Variants in CCDC13 observed in about 807,000 individuals in gnomAD.
CCDC13 encodes coiled-coil domain-containing protein 13.
Under a neutral mutation model 87.3 loss-of-function variants are expected in CCDC13, and 70 were observed. That is an observed-to-expected ratio of 0.80 (90% confidence interval 0.66 to 0.98). CCDC13 has a LOEUF of 0.98. Ranked by LOEUF, CCDC13 falls within the 50% of genes least tolerant of loss-of-function variation. The pLI is 0.00. For synonymous variants in CCDC13, 317 were observed against 360.3 expected (o/e 0.88, Z 1.36); for missense variants, 842 against 892.0 (o/e 0.94, Z 0.71).
At position 42,747,272 on chromosome 3, in the gene CCDC13, C is replaced by T. The variant is rs777228801; in HGVS notation, c.705G>A (p.Leu235=). 3 of 1,613,954 alleles carry T rather than the reference C, an allele frequency of 1.9e-6. No individual in the cohort carries two copies. Among genetic ancestry groups the T allele is most frequent in the African/African-American group, 2.7e-5 (2 of 74,922 alleles). Reference sequence around the variant, plus strand: ...TCTGAAAGACCTTCTGTGCCATCCGCAGCTCCTGCTTCACAGACTGGATCT... The same window carrying T: ...TCTGAAAGACCTTCTGTGCCATCCGTAGCTCCTGCTTCACAGACTGGATCT... ...RNQIQSVKQE[L]RMAQKVLARE... is the part of the protein sequence containing the mutation. Residue 235 remains leucine, a synonymous_variant, in exon 6 of 16, where the codon CTG becomes CTA. Coordinates refer to ENST00000310232, the MANE Select transcript of CCDC13 (RefSeq NM_144719.4).
intron 10 of CCDC13, among the ~76,000 whole-genome samples, chr3:42,734,346 T>C (rs1011631497): frequency 6.6e-6 from 1 of 152,230 alleles, no homozygotes; most frequent in Non-Finnish European, 1.5e-5. Flanking sequence ...AGTCTTCTCC[T>C]GTGTGCCTGG....
chr3:42,760,165 C>T (rs1699798326), intron 1 of CCDC13, among the ~76,000 whole-genome samples: 1 of 151,936 alleles, frequency 6.6e-6, no homozygotes, highest in African/African-American at 2.4e-5. Flanking sequence ...GTGACATGTG[C>T]CTGTAATCCC....
rs752006637 is a variant in CCDC13, at chr3:42,758,264, T to C, written c.82A>G (p.Lys28Glu). 1 of 1,613,802 alleles carries C rather than the reference T, an allele frequency of 6.2e-7. No individual in the cohort carries two copies. The highest frequency in any genetic ancestry group is 8.5e-7 in the Non-Finnish European group (1 of 1,180,028). ...MQEMQHKRLQ[K>E]QMEKKREKEL... is the part of the protein sequence containing the mutation. ...TTTTCCCTCTTTTTCTCCATCTGCT[T>C]CTGTAACCGTTTGTGCTGCATCTCC... Residue 28 changes from lysine to glutamate, a missense_variant, in exon 2 of 16, where the codon AAG becomes GAG. Lys to Glu is a moderately conservative substitution (Grantham distance 56, BLOSUM62 1). Coordinates refer to ENST00000310232, the MANE Select transcript of CCDC13 (RefSeq NM_144719.4).
chr3:42,747,470 G>A, intron 5 of CCDC13, 97 bp from the exon 6 acceptor site: 6 of 859,038 alleles, frequency 7.0e-6, no homozygotes, highest in East Asian at 2.4e-5. Flanking sequence ...CAGGCACTGT[G>A]CTAAGTGTTT....
At chr3:42,736,925 T>G (rs544936416) in intron 9 of CCDC13, among the ~76,000 whole-genome samples, 10 of 152,288 alleles carry the variant, frequency 6.6e-5, no homozygotes, top group Middle Eastern at 3.4e-3. Flanking sequence ...TTGTTGTTGT[T>G]GTTTTATACA....
Position 42,713,249 on chromosome 3 carries a change from CG to C in CCDC13, c.1785del (p.Val596TrpfsTer65), listed in dbSNP as rs1216952554. 6.2e-7 allele frequency: 1 copy of C among 1,614,088 alleles called. No homozygotes were observed. The highest frequency in any genetic ancestry group is 8.5e-7 in the Non-Finnish European group (1 of 1,180,036). On this transcript the variant is annotated frameshift_variant, in exon 14 of 16. Transcript: ENST00000310232. LOFTEE classifies it high-confidence loss of function. ...TTCTCCAGATGTTGCTCCAGCACCA[CG>C]GTGCGGTGTCGCTCCTCCTGCAGCT... The part of the protein sequence containing the change: ...ERKLQEERHR[T>X]VVLEQHLEKI...
chr3:42,743,988 G>A lies in CCDC13; in HGVS notation c.826-931C>T, dbSNP rs146152852. Among the ~76,000 whole-genome samples, 10 of 152,242 alleles carry A rather than the reference G, an allele frequency of 6.6e-5. No homozygotes were observed. The East Asian group carries it at 1.4e-3, about 21-fold the overall frequency. Reference sequence around the variant, plus strand: ...GGGCCTAAGAGTAACACTGCCCTGCGTAACACTGTTATGAGGATTCAGTAT... The same window carrying A: ...GGGCCTAAGAGTAACACTGCCCTGCATAACACTGTTATGAGGATTCAGTAT... On this transcript the variant is annotated intron_variant, in intron 7 of 15. Transcript: ENST00000310232.
chr3:42,723,282 T>C (rs114307618), intron 13 of CCDC13, among the ~76,000 whole-genome samples: 56 of 152,312 alleles, frequency 3.7e-4, no homozygotes, highest in African/African-American at 1.3e-3. Flanking sequence ...TGGCTTCCTC[T>C]GTCTCTGACA....
At chr3:42,711,288 G>T (rs1330765147) in intron 14 of CCDC13, among the ~76,000 whole-genome samples, 1 of 150,200 alleles carries the variant, frequency 6.7e-6, no homozygotes, top group African/African-American at 2.5e-5. Flanking sequence ...ACTGGTGGTG[G>T]CGAACTTGGG....
At chr3:42,723,374 T>C (rs968178445) in intron 13 of CCDC13, among the ~76,000 whole-genome samples, 4 of 152,354 alleles carry the variant, frequency 2.6e-5, no homozygotes, top group Non-Finnish European at 2.9e-5. Flanking sequence ...CAAAGTCATC[T>C]GATGAGTAAC....
At chr3:42,744,246 C>T (rs1024989100) in intron 7 of CCDC13, among the ~76,000 whole-genome samples, 1 of 152,186 alleles carries the variant, frequency 6.6e-6, no homozygotes, top group African/African-American at 2.4e-5. Context: ...AGGTAGATGT[C>T]ATCCCACAGA....
chr3:42,758,441 A>C, intron 1 of CCDC13, 90 bp from the exon 2 acceptor site: 1 of 1,274,024 alleles, frequency 7.8e-7, no homozygotes, highest in East Asian at 2.4e-5. Flanking sequence ...CCAGCCTTGG[A>C]GTTTACTGCT....
At chr3:42,709,892 C>T (rs1698265569) in intron 14 of CCDC13, 94 bp from the exon 15 acceptor site, 1 of 955,816 alleles carries the variant, frequency 1.0e-6, no homozygotes, top group Non-Finnish European at 1.7e-6. Context: ...GCCTGCTCTT[C>T]CACATGGTGA....
At position 42,771,178 on chromosome 3, in the gene CCDC13, T is replaced by G. The variant is rs567957250; in HGVS notation, c.-7+1998A>C. ...AAAAGACATGAAAGAAACCTAAATG[T>G]GTATTGTTAAGTGAAGAAGCCGGTC... is the stretch of plus-strand genomic sequence containing the variant. On this transcript the variant is annotated intron_variant, in intron 1 of 15. Coordinates refer to ENST00000310232, the MANE Select transcript of CCDC13 (RefSeq NM_144719.4). 5.9e-5 allele frequency: 9 copies of G among 152,306 alleles called. No homozygotes were observed. The East Asian group carries it at 1.4e-3, about 23-fold the overall frequency. The allele number at this position is 152,306 out of a possible 1,614,324, so 9.4% of individuals were successfully genotyped here. A position where few individuals can be genotyped will look rare whatever the true frequency, so the allele number is the denominator to read the frequency against.
chr3:42,750,150 T>C (rs547951105), intron 5 of CCDC13, among the ~76,000 whole-genome samples: 1 of 152,342 alleles, frequency 6.6e-6, no homozygotes, highest in South Asian at 2.1e-4. Flanking sequence ...GCTCCCTCTA[T>C]GGGTGACTTC....
chr3:42,751,824 G>A, intron 5 of CCDC13, 112 bp downstream of exon 5: 4 of 882,514 alleles, frequency 4.5e-6, no homozygotes, highest in Non-Finnish European at 1.8e-6. Context: ...CGGCAGCGGG[G>A]TTGGGGGTTG....
At position 42,739,683 on chromosome 3, in the gene CCDC13, G is replaced by A; in HGVS notation, c.1115C>T (p.Thr372Ile). 1.2e-6 allele frequency: 2 copies of A among 1,614,204 alleles called. No individual in the cohort carries two copies. Among genetic ancestry groups the A allele is most frequent in the East Asian group, 4.5e-5 (2 of 44,884 alleles). ...EMKTLKSQMG[T>I]LVEKGRHDDE... ...ATCATGCCGGCCCTTCTCCACCAGG[G>A]TTCCCATCTGACTCTTGAGGGTCTT... Residue 372 changes from threonine to isoleucine, a missense_variant, in exon 9 of 16, where the codon ACC becomes ATC. By Grantham distance (89) the Thr-to-Ile change is moderately conservative (BLOSUM62 -1). Transcript: ENST00000310232.
At chr3:42,748,293 G>A (rs905878814) in intron 5 of CCDC13, among the ~76,000 whole-genome samples, 38 of 152,200 alleles carry the variant, frequency 2.5e-4, no homozygotes, top group African/African-American at 9.2e-4. Context: ...AGCTGGTTGG[G>A]GTGACACAGG....
At chr3:42,773,013 G>A (rs539423633) in intron 1 of CCDC13, among the ~76,000 whole-genome samples, 163 bp downstream of exon 1, 4 of 152,332 alleles carry the variant, frequency 2.6e-5, no homozygotes, top group Non-Finnish European at 4.4e-5. Context: ...AGATTCAAAG[G>A]ACGAAGGGGA....
Sources: allele counts gnomAD v4.1 joint callset (sites outside exome capture counted in the v4.1 genomes callset), GRCh38; gene constraint gnomAD v4.1.1; transcripts MANE v1.5; gene names NCBI Gene and HGNC (gene_info 2026-07-23, HGNC 2026-07-21).